The following SHISA6 variants were observed in gnomAD, a reference collection of about 807,000 sequenced individuals.
SHISA6 encodes protein shisa-6.
Under a neutral mutation model 47.9 loss-of-function variants are expected in SHISA6, and 22 were observed. The ratio of observed to expected loss-of-function variants is 0.46; its 90% CI spans 0.33 to 0.66. SHISA6 has a LOEUF of 0.66. Ranked by LOEUF, SHISA6 falls within the 30% of genes least tolerant of loss-of-function variation. SHISA6 has a pLI of 0.02. For missense variants in SHISA6, 680 were observed against 764.6 expected (o/e 0.89, Z 1.30); for synonymous variants, 388 against 337.8 (o/e 1.15, Z -1.63).
At chr17:11,319,172 G>A (rs1399601852) in intron 2 of SHISA6, among the ~76,000 whole-genome samples, 1 of 150,316 alleles carries the variant, frequency 6.7e-6, no homozygotes, top group Admixed American at 6.6e-5. Context: ...TCCGCCTCCC[G>A]GGTTCAATCG....
rs976070104 is a variant in SHISA6, at chr17:11,557,971, G to T, written c.1323G>T (p.Leu441=). The part of the protein sequence containing the change: ...DEFSMPYDRI[L]SDEQLLSTER... The stretch of plus-strand genomic sequence containing the variant: ...TCAGCATGCCCTACGACCGCATCCT[G>T]TCCGACGAGCAGCTGCTCTCCACGG... Residue 441 remains leucine (L), a synonymous_variant, in exon 6 of 6, where the codon CTG becomes CTT. Transcript: ENST00000441885. 2 of 1,551,396 alleles carry T rather than the reference G, an allele frequency of 1.3e-6. No homozygotes were observed. Among genetic ancestry groups the T allele is most frequent in the African/African-American group, 2.7e-5 (2 of 73,040 alleles).
At chr17:11,315,136 T>G (rs1910463946) in intron 2 of SHISA6, among the ~76,000 whole-genome samples, 1 of 152,206 alleles carries the variant, frequency 6.6e-6, no homozygotes, top group South Asian at 2.1e-4. Context: ...TTCTTGTCCC[T>G]TTGGCAAAAT....
At chr17:11,356,114 C>T (rs781471846) in intron 2 of SHISA6, among the ~76,000 whole-genome samples, 2 of 152,200 alleles carry the variant, frequency 1.3e-5, no homozygotes, top group Non-Finnish European at 2.9e-5. Context: ...AGAGAAGTTT[C>T]TGTACAAAGA....
chr17:11,334,157 C>T (rs772602746), intron 2 of SHISA6, among the ~76,000 whole-genome samples: 2 of 152,126 alleles, frequency 1.3e-5, no homozygotes, highest in Non-Finnish European at 2.9e-5. Flanking sequence ...GTTCAAAGTG[C>T]AGGAGGCCTG....
intron 3 of SHISA6, among the ~76,000 whole-genome samples, chr17:11,535,103 C>A (rs2071775336): frequency 6.6e-6 from 1 of 152,064 alleles, no homozygotes; most frequent in Non-Finnish European, 1.5e-5. Context: ...CACTGCACTC[C>A]AGCCTGGCAA....
chr17:11,519,901 T>C (rs1281784605), intron 3 of SHISA6, among the ~76,000 whole-genome samples: 1 of 152,186 alleles, frequency 6.6e-6, no homozygotes. Flanking sequence ...TTGGTTTCCA[T>C]GACATCGTGC....
chr17:11,430,773 G>A (rs559523737), intron 3 of SHISA6, among the ~76,000 whole-genome samples: 1 of 152,318 alleles, frequency 6.6e-6, no homozygotes, highest in South Asian at 2.1e-4. Flanking sequence ...GAGGTAGGGT[G>A]TGAACCCCAT....
intron 1 of SHISA6, among the ~76,000 whole-genome samples, chr17:11,254,146 T>C (rs1907920734): frequency 1.3e-5 from 2 of 152,192 alleles, no homozygotes; most frequent in African/African-American, 4.8e-5. Flanking sequence ...AAAGCCTTCT[T>C]TCACCTTTGG....
chr17:11,509,835 G>C (rs1413009091), intron 3 of SHISA6, among the ~76,000 whole-genome samples: 1 of 152,186 alleles, frequency 6.6e-6, no homozygotes, highest in Admixed American at 6.5e-5. Context: ...ATACTCTATT[G>C]TCTAGTGTGC....
intron 2 of SHISA6, among the ~76,000 whole-genome samples, chr17:11,378,013 C>T (rs1912867800): frequency 6.6e-6 from 1 of 152,326 alleles, no homozygotes; most frequent in East Asian, 1.9e-4. Context: ...AGGTTTTAAG[C>T]CCCACATGCA....
chr17:11,272,318 C>G (rs1323449699), intron 2 of SHISA6, among the ~76,000 whole-genome samples: 1 of 152,178 alleles, frequency 6.6e-6, no homozygotes, highest in Non-Finnish European at 1.5e-5. Context: ...TCAGCCTAGC[C>G]TGCTCTTCCT....
chr17:11,545,244 G>A (rs751255143), intron 3 of SHISA6, among the ~76,000 whole-genome samples: 13 of 151,590 alleles, frequency 8.6e-5, no homozygotes, highest in East Asian at 3.9e-4. Context: ...GCAACAACCC[G>A]GAACAATCTC....
chr17:11,543,683 G>A (rs1234441902), intron 3 of SHISA6, among the ~76,000 whole-genome samples: 1 of 151,854 alleles, frequency 6.6e-6, no homozygotes, highest in Non-Finnish European at 1.5e-5. Flanking sequence ...TAAAGTAGGA[G>A]GATAAGTCTA....
At chr17:11,504,738 G>A (rs2071483828) in intron 3 of SHISA6, among the ~76,000 whole-genome samples, 1 of 152,046 alleles carries the variant, frequency 6.6e-6, no homozygotes, top group South Asian at 2.1e-4. Flanking sequence ...GGGAGAAGGG[G>A]AAGGACACAC....
At chr17:11,513,730 C>T (rs2071560185) in intron 3 of SHISA6, among the ~76,000 whole-genome samples, 1 of 152,190 alleles carries the variant, frequency 6.6e-6, no homozygotes, top group Non-Finnish European at 1.5e-5. Context: ...ATTCCCTTCA[C>T]AAGTCGAGCA....
In SHISA6 at chr17:11,558,414, G is replaced by A. The variant is rs963666230; in HGVS notation, c.*110G>A. ...CACTCTCCCTTCCCTTGTCCCCTCT[G>A]TAGGAAGTGGGGGTGGGCCACCTTT... On this transcript the variant is annotated 3_prime_UTR_variant, in exon 6 of 6. Transcript: ENST00000441885. 3.9e-6 allele frequency: 5 copies of A among 1,284,820 alleles called. No individual in the cohort carries two copies. Among genetic ancestry groups the A allele is most frequent in the Non-Finnish European group, 5.2e-6 (5 of 952,556 alleles). 79.6% of individuals were successfully genotyped at this position (1,284,820 alleles called of 1,614,324 possible). A position where few individuals can be genotyped will look rare whatever the true frequency, so the allele number is the denominator to read the frequency against.
At chr17:11,543,975 C>A (rs1437991744) in intron 3 of SHISA6, among the ~76,000 whole-genome samples, 1 of 135,934 alleles carries the variant, frequency 7.4e-6, no homozygotes, top group Non-Finnish European at 1.6e-5. Flanking sequence ...TAAAAATTAA[C>A]TCAAAATAGA....
At chr17:11,360,655 A>G (rs1466777284) in intron 2 of SHISA6, among the ~76,000 whole-genome samples, 1 of 151,792 alleles carries the variant, frequency 6.6e-6, no homozygotes, top group Admixed American at 6.6e-5. Context: ...GGGAAGGGAG[A>G]GCATTAGGAC....
intron 1 of SHISA6, among the ~76,000 whole-genome samples, chr17:11,261,189 A>G (rs529522946): frequency 6.6e-6 from 1 of 152,254 alleles, no homozygotes; most frequent in Admixed American, 6.5e-5. Context: ...TGGTCTGGGA[A>G]TGAGGGCTTC....
Sources: allele counts gnomAD v4.1 joint callset (sites outside exome capture counted in the v4.1 genomes callset), GRCh38; gene constraint gnomAD v4.1.1; transcripts MANE v1.5; gene names NCBI Gene and HGNC (gene_info 2026-07-23, HGNC 2026-07-21).